The following FILIP1L variants were observed in gnomAD, a reference collection of about 807,000 sequenced individuals.
The protein encoded by FILIP1L is filamin A interacting protein 1 like.
FILIP1L carries 55 observed loss-of-function variants against 96.6 expected under a neutral mutation model. That is an observed-to-expected ratio of 0.57 (90% CI 0.46 to 0.71). FILIP1L has a LOEUF of 0.71. Among genes scored for constraint, FILIP1L ranks in the 30% least tolerant of loss-of-function variants. The probability of loss-of-function intolerance (pLI) is 0.00; values close to 1 mark genes in which losing one functional copy is unlikely to be tolerated. For synonymous variants in FILIP1L, 467 were observed against 473.9 expected (o/e 0.99, Z 0.19); for missense variants, 1,304 against 1,321.2 (o/e 0.99, Z 0.20).
chr3:99,857,254 C>T (rs934536570), intron 4 of FILIP1L, among the ~76,000 whole-genome samples: 4 of 152,164 alleles, frequency 2.6e-5, no homozygotes, highest in Admixed American at 2.0e-4. Flanking sequence ...GTGGGTTTCC[C>T]ATCAGTGTTC....
intron 1 of FILIP1L, among the ~76,000 whole-genome samples, chr3:99,969,655 C>G (rs746217468): frequency 6.6e-6 from 1 of 152,038 alleles, no homozygotes. Context: ...GGCAAAGGCA[C>G]GGGGAGCCTG....
At chr3:99,956,739 C>A (rs1178733548) in intron 1 of FILIP1L, among the ~76,000 whole-genome samples, 1 of 152,178 alleles carries the variant, frequency 6.6e-6, no homozygotes, top group African/African-American at 2.4e-5. Flanking sequence ...TTCTTTCTCA[C>A]TATTGGTTCT....
intron 1 of FILIP1L, among the ~76,000 whole-genome samples, chr3:99,978,589 G>T (rs975676051): frequency 4.6e-5 from 7 of 152,190 alleles, no homozygotes; most frequent in African/African-American, 1.7e-4. Flanking sequence ...TAAAAAAGTC[G>T]ATCTCATAGA....
At chr3:100,077,167 A>G (rs867078604) in intron 1 of FILIP1L, among the ~76,000 whole-genome samples, 6 of 152,210 alleles carry the variant, frequency 3.9e-5, no homozygotes, top group Non-Finnish European at 4.4e-5. Context: ...TTGACATGCA[A>G]AGAACTTAGG....
At chr3:100,071,110 T>TTG (rs1287215281) in intron 1 of FILIP1L, among the ~76,000 whole-genome samples, 1 of 149,936 alleles carries the variant, frequency 6.7e-6, no homozygotes, top group African/African-American at 2.5e-5. Flanking sequence ...TTTTTTTTTT[T>TTG]TGGATGGATT....
chr3:99,991,020 G>T (rs1422224863), intron 1 of FILIP1L, among the ~76,000 whole-genome samples: 1 of 152,132 alleles, frequency 6.6e-6, no homozygotes, highest in Non-Finnish European at 1.5e-5. Context: ...ATCCACAAAT[G>T]ACAAAGATGC....
At chr3:99,977,238 G>A (rs1708999090) in intron 1 of FILIP1L, among the ~76,000 whole-genome samples, 1 of 152,176 alleles carries the variant, frequency 6.6e-6, no homozygotes, top group Non-Finnish European at 1.5e-5. Context: ...CTATATCACA[G>A]TGGAGCTGAT....
At chr3:99,919,087 C>G (rs987832313) in intron 4 of FILIP1L, among the ~76,000 whole-genome samples, 8 of 152,044 alleles carry the variant, frequency 5.3e-5, no homozygotes, top group Non-Finnish European at 4.4e-5. Flanking sequence ...TTTATACCCA[C>G]TGTGTATTGC....
chr3:99,881,225 T>C (rs904067989), intron 4 of FILIP1L, among the ~76,000 whole-genome samples: 6 of 152,208 alleles, frequency 3.9e-5, no homozygotes, highest in East Asian at 1.9e-4. Context: ...GAATTGGTAA[T>C]GTGACGCCAC....
intron 1 of FILIP1L, among the ~76,000 whole-genome samples, chr3:99,959,574 T>C (rs1257729977): frequency 6.6e-6 from 1 of 152,230 alleles, no homozygotes; most frequent in Non-Finnish European, 1.5e-5. Context: ...TGAGCCTTAG[T>C]TTTCCACGTG....
intron 5 of FILIP1L, among the ~76,000 whole-genome samples, chr3:99,846,289 C>A (rs1313067829): frequency 6.6e-6 from 1 of 152,158 alleles, no homozygotes; most frequent in Non-Finnish European, 1.5e-5. Context: ...CATTATGTGA[C>A]AAAGTTGGGA....
intron 1 of FILIP1L, among the ~76,000 whole-genome samples, chr3:99,964,087 C>T (rs1708573707): frequency 6.6e-6 from 1 of 151,996 alleles, no homozygotes. Flanking sequence ...TAAATAAAAA[C>T]AGAGGGCATA....
chr3:100,066,115 A>AT (rs1337919563), intron 1 of FILIP1L, among the ~76,000 whole-genome samples: 1 of 152,182 alleles, frequency 6.6e-6, no homozygotes, highest in Non-Finnish European at 1.5e-5. Context: ...ATTACCATCT[A>AT]TTTTCCCTTG....
At chr3:100,102,033 G>A (rs1295920081) in intron 1 of FILIP1L, among the ~76,000 whole-genome samples, 1 of 152,110 alleles carries the variant, frequency 6.6e-6, no homozygotes, top group Non-Finnish European at 1.5e-5. Context: ...TTGGACATTT[G>A]GCTTGGTTCC....
intron 1 of FILIP1L, among the ~76,000 whole-genome samples, chr3:99,936,909 A>G (rs1168441218): frequency 2.0e-5 from 3 of 152,086 alleles, no homozygotes; most frequent in Non-Finnish European, 4.4e-5. Context: ...GTGCTACGCA[A>G]TTTTGTTTTA....
chr3:99,983,486 A>G (rs376563704), intron 1 of FILIP1L, among the ~76,000 whole-genome samples: 459 of 23,332 alleles, frequency 0.02, 12 homozygotes, highest in African/African-American at 0.06. Context: ...ATATATATAT[A>G]TATATATATA....
Position 99,947,187 on chromosome 3 carries a change from G to A in FILIP1L, c.-10-16157C>T, listed in dbSNP as rs575349812. The stretch of plus-strand genomic sequence containing the variant: ...TAATATATTCAGCACTGAAAAATGG[G>A]GAAGCAGGCACAAAGAATTTTTAAA... On this transcript the variant is annotated intron_variant, in intron 1 of 5. Coordinates refer to ENST00000477258, the MANE Select transcript of FILIP1L (RefSeq NM_001387850.1). Among the ~76,000 whole-genome samples, 5 of 151,378 alleles carry A rather than the reference G, an allele frequency of 3.3e-5. No individual in the cohort carries two copies. The South Asian group carries it at 8.4e-4, about 26-fold the overall frequency.
chr3:100,089,771 T>C (rs2066071995), intron 1 of FILIP1L, among the ~76,000 whole-genome samples: 1 of 152,220 alleles, frequency 6.6e-6, no homozygotes, highest in Non-Finnish European at 1.5e-5. Flanking sequence ...CCGTGGCTAA[T>C]TGAGGAAGAT....
chr3:99,861,761 GACAGTGGAAA>G (rs1944269359), intron 4 of FILIP1L, among the ~76,000 whole-genome samples: 1 of 152,200 alleles, frequency 6.6e-6, no homozygotes, highest in Non-Finnish European at 1.5e-5. Flanking sequence ...ATAGGAACGA[GACAGTGGAAA>G]ACTATGAGAG....
Sources: gnomAD v4.1 joint callset for allele counts (sites outside exome capture counted in the v4.1 genomes callset) on GRCh38, gnomAD v4.1.1 for gene constraint, MANE v1.5 for transcripts, NCBI Gene and HGNC (gene_info 2026-07-23, HGNC 2026-07-21) for gene names.